RIMBP2: variants seen among roughly 807,000 people sequenced by gnomAD.
RIMBP2 encodes RIMS binding protein 2.
In RIMBP2, 48 loss-of-function variants were observed where a neutral mutation model predicts 118.6. That is an observed-to-expected ratio of 0.40 (90% CI 0.32 to 0.51). RIMBP2 has a LOEUF of 0.51. RIMBP2 is among the 20% of genes least tolerant of loss of function. The pLI is 0.41. For missense variants in RIMBP2, 1,551 were observed against 1,768.3 expected (o/e 0.88, Z 2.20); for synonymous variants, 762 against 742.9 (o/e 1.03, Z -0.42).
In RIMBP2 at chr12:130,437,120, G is replaced by A. The variant is rs779761261; in HGVS notation, c.1828C>T (p.Pro610Ser). The A allele has an allele frequency of 1.3e-5, 20 of 1,585,072 alleles. No homozygotes were observed. Among genetic ancestry groups the A allele is most frequent in the Non-Finnish European group, 1.5e-5 (18 of 1,164,150 alleles). Reference sequence around the variant, plus strand: ...GGCTTTGATTGGGGTGCAGGTCTCGGGTGGGGGGTAGGAGGCACCAGGAGC... The same window carrying A: ...GGCTTTGATTGGGGTGCAGGTCTCGAGTGGGGGGTAGGAGGCACCAGGAGC... ...PELLVPPTPH[P>S]RPAPQSKPLA... The change falls in exon 13 of 23, where the codon CCG (proline) becomes TCG (serine). Residue 610 changes from proline to serine, a missense_variant. By Grantham distance (74) the Pro-to-Ser change is moderately conservative. Transcript: ENST00000690449.
At chr12:130,518,792 C>G (rs964794561) in intron 2 of RIMBP2, among the ~76,000 whole-genome samples, 1 of 152,152 alleles carries the variant, frequency 6.6e-6, no homozygotes. Flanking sequence ...TTAAGAATCT[C>G]TCATTCAAGA....
chr12:130,661,261 A>C (rs1256139098), intron 1 of RIMBP2, among the ~76,000 whole-genome samples: 1 of 152,158 alleles, frequency 6.6e-6, no homozygotes, highest in Non-Finnish European at 1.5e-5. Context: ...AGGGTCAGTC[A>C]TGTGACCACA....
At chr12:130,473,779 G>T (rs1287090528) in intron 5 of RIMBP2, among the ~76,000 whole-genome samples, 5 of 152,140 alleles carry the variant, frequency 3.3e-5, no homozygotes, top group Admixed American at 6.5e-5. Flanking sequence ...AACACAGAGG[G>T]TCAGCTATGA....
At chr12:130,436,741 C>G (rs543065926) in intron 13 of RIMBP2, 101 bp downstream of exon 13, 2 of 1,012,974 alleles carry the variant, frequency 2.0e-6, no homozygotes, top group African/African-American at 3.4e-5. Flanking sequence ...TCCCTGCAAG[C>G]TGGGATGCGG....
intron 5 of RIMBP2, among the ~76,000 whole-genome samples, chr12:130,476,079 T>TA (rs2138016223): frequency 6.6e-6 from 1 of 152,202 alleles, no homozygotes. Context: ...GACTGAGTCT[T>TA]AGAGTCACCT....
intron 2 of RIMBP2, among the ~76,000 whole-genome samples, chr12:130,521,526 G>A (rs1265738048): frequency 2.0e-5 from 3 of 152,292 alleles, no homozygotes; most frequent in South Asian, 2.1e-4. Context: ...TCACACAAAC[G>A]CACGCGTGGT....
At chr12:130,712,186 C>T (rs188038253) in intron 1 of RIMBP2, among the ~76,000 whole-genome samples, 2 of 152,162 alleles carry the variant, frequency 1.3e-5, no homozygotes, top group African/African-American at 4.8e-5. Context: ...AGAGGCTGCA[C>T]GTTTAGACTA....
At position 130,623,493 on chromosome 12, in the gene RIMBP2, C is replaced by A. The variant is rs554464339; in HGVS notation, c.-217+4829G>T. ...GTAGCATGGACAAGTATGTTCCCTG[C>A]TGTAGTACTGATAATAATTAGGCAT... On this transcript the variant is annotated intron_variant, in intron 2 of 22. Transcript: ENST00000690449. The surrounding 1 kb of genome is among the most constrained non-coding windows in gnomAD (Gnocchi z 4.1). Among the ~76,000 whole-genome samples, 31 of 152,138 alleles carry A rather than the reference C, an allele frequency of 2.0e-4. No individual in the cohort carries two copies. Among genetic ancestry groups the A allele is most frequent in the African/African-American group, 6.7e-4 (28 of 41,494 alleles).
intron 1 of RIMBP2, among the ~76,000 whole-genome samples, chr12:130,697,347 C>A (rs1194521933): frequency 1.3e-5 from 2 of 152,158 alleles, no homozygotes; most frequent in African/African-American, 4.8e-5. Flanking sequence ...CATAGCAAGA[C>A]CCCTCTCTAC....
At chr12:130,631,776 C>T (rs1310681077) in intron 1 of RIMBP2, among the ~76,000 whole-genome samples, 2 of 151,968 alleles carry the variant, frequency 1.3e-5, no homozygotes, top group African/African-American at 4.8e-5. Flanking sequence ...GCTCAAGGGA[C>T]TGGGTATGGA....
At chr12:130,629,974 T>TAAAAAAAAAAA in intron 1 of RIMBP2, among the ~76,000 whole-genome samples, 1 of 104,516 alleles carries the variant, frequency 9.6e-6, no homozygotes, top group Non-Finnish European at 1.9e-5. Context: ...AATCAAGCTT[T>TAAAAAAAAAAA]AAAAAAAAAA....
At chr12:130,507,164 T>G (rs1340265236) in intron 3 of RIMBP2, among the ~76,000 whole-genome samples, 1 of 152,190 alleles carries the variant, frequency 6.6e-6, no homozygotes, top group Non-Finnish European at 1.5e-5. Context: ...CTCTCCCTTT[T>G]GCCCACTGGA....
chr12:130,626,803 A>ACACGACTACCACCAGCATCAC (rs2061665592), intron 2 of RIMBP2, among the ~76,000 whole-genome samples: 1 of 126,244 alleles, frequency 7.9e-6, no homozygotes, highest in Non-Finnish European at 1.7e-5. Flanking sequence ...TCCTCCATCA[A>ACACGACTACCACCAGCATCAC]CACGACTACC....
intron 7 of RIMBP2, 56 bp from the exon 8 acceptor site, chr12:130,451,396 C>T: frequency 1.3e-6 from 2 of 1,548,000 alleles, no homozygotes; most frequent in Non-Finnish European, 1.8e-6. Flanking sequence ...ATCGTCAAAG[C>T]ACGTTGGTCA....
At chr12:130,504,787 T>A (rs1391412417) in intron 4 of RIMBP2, among the ~76,000 whole-genome samples, 1 of 152,098 alleles carries the variant, frequency 6.6e-6, no homozygotes, top group Non-Finnish European at 1.5e-5. Flanking sequence ...CAGGTGATAA[T>A]CTGCTGTAGG....
intron 1 of RIMBP2, among the ~76,000 whole-genome samples, chr12:130,645,908 G>C (rs2062852492): frequency 6.6e-6 from 1 of 152,102 alleles, no homozygotes; most frequent in Non-Finnish European, 1.5e-5. Context: ...ATTCATTAAA[G>C]CTCTTTTCAG....
At chr12:130,682,835 C>T (rs2064862328) in intron 1 of RIMBP2, among the ~76,000 whole-genome samples, 1 of 152,236 alleles carries the variant, frequency 6.6e-6, no homozygotes, top group African/African-American at 2.4e-5. Flanking sequence ...GGGAAGGAGC[C>T]TTCCACAGGA....
chr12:130,643,258 C>G (rs12301985), intron 1 of RIMBP2, among the ~76,000 whole-genome samples: 2 of 152,200 alleles, frequency 1.3e-5, no homozygotes, highest in African/African-American at 4.8e-5. Context: ...CCCGGGTGCA[C>G]GGGCCACAGC....
In RIMBP2 at chr12:130,438,302, C is replaced by T. The variant is rs149506986; in HGVS notation, c.1656+63G>A. 192 of 1,578,224 alleles carry T rather than the reference C, an allele frequency of 1.2e-4. No homozygotes were observed. The African/African-American group carries it at 2.0e-3, about 16-fold the overall frequency. On this transcript the variant is annotated intron_variant, in intron 12 of 22. Coordinates refer to ENST00000690449, the MANE Select transcript of RIMBP2 (RefSeq NM_001393629.1). ...CCTGCCTCCTCCACTGAGCAAATACCGGGCCGGTCCCTGCTGCGTTAGGGC... is the reference window on the plus strand; with the variant it reads ...CCTGCCTCCTCCACTGAGCAAATACTGGGCCGGTCCCTGCTGCGTTAGGGC...
Sources: gnomAD v4.1 joint callset for allele counts (sites outside exome capture counted in the v4.1 genomes callset) on GRCh38, gnomAD v4.1.1 for gene constraint, Gnocchi (gnomAD v3.1) non-coding constraint, MANE v1.5 for transcripts, NCBI Gene and HGNC (gene_info 2026-07-23, HGNC 2026-07-21) for gene names.